ABTB3: variants seen among roughly 807,000 people sequenced by gnomAD.
ABTB3 encodes ankyrin repeat and BTB domain containing 3.
At chr12:107,608,939 AAATAAATAAAATAAAAT>A in the ABTB3 span, among the ~76,000 whole-genome samples, 1 of 90,106 alleles carries the variant, frequency 1.1e-5, no homozygotes, top group African/African-American at 5.5e-5. Flanking sequence ...AAATAAAATA[AAATAAATAAAATAAAAT>A]ATAAAATAAA....
At chr12:107,359,503 G>A in the ABTB3 span, among the ~76,000 whole-genome samples, 19 of 152,280 alleles carry the variant, frequency 1.2e-4, no homozygotes, top group South Asian at 2.1e-4. Context: ...AGCAGAAACC[G>A]GATAGCAGAG....
At chr12:107,482,266 GAAC>G in the ABTB3 span, among the ~76,000 whole-genome samples, 1 of 152,150 alleles carries the variant, frequency 6.6e-6, no homozygotes, top group Non-Finnish European at 1.5e-5. Flanking sequence ...GCCTAAGGCA[GAAC>G]AGCTACCTCC....
At chr12:107,556,174 A>G in the ABTB3 span, among the ~76,000 whole-genome samples, 1 of 150,522 alleles carries the variant, frequency 6.6e-6, no homozygotes, top group Non-Finnish European at 1.5e-5. Context: ...GGCTCACCGC[A>G]ACCTCCGCCT....
the ABTB3 span, among the ~76,000 whole-genome samples, chr12:107,606,109 G>A: frequency 6.6e-6 from 1 of 152,182 alleles, no homozygotes; most frequent in African/African-American, 2.4e-5. Context: ...AGAGGGCCAG[G>A]TCCCACTGAA....
At chr12:107,346,429 C>T in the ABTB3 span, among the ~76,000 whole-genome samples, 1 of 152,136 alleles carries the variant, frequency 6.6e-6, no homozygotes, top group African/African-American at 2.4e-5. Context: ...GAAATACCAT[C>T]ACATAACAGG....
chr12:107,378,726 G>T, the ABTB3 span, among the ~76,000 whole-genome samples: 1 of 152,116 alleles, frequency 6.6e-6, no homozygotes, highest in East Asian at 1.9e-4. Context: ...GACTGTTCAT[G>T]CCCAAACCTA....
chr12:107,550,477 C>T, the ABTB3 span, among the ~76,000 whole-genome samples: 4 of 145,612 alleles, frequency 2.7e-5, no homozygotes, highest in Non-Finnish European at 6.0e-5. Context: ...GTAACATCAT[C>T]GGTGGTTCTG....
chr12:107,537,359 A>G, the ABTB3 span, among the ~76,000 whole-genome samples: 1 of 152,154 alleles, frequency 6.6e-6, no homozygotes. Context: ...ATAAGTTCAG[A>G]AAGCTAGAAG....
the ABTB3 span, chr12:107,319,005 A>C: frequency 6.2e-7 from 1 of 1,613,532 alleles, no homozygotes; most frequent in Non-Finnish European, 8.5e-7. Flanking sequence ...GACTCGGGTT[A>C]TGGTGGCGCG....
At chr12:107,501,710 A>G in the ABTB3 span, among the ~76,000 whole-genome samples, 156 of 152,212 alleles carry the variant, frequency 1.0e-3, no homozygotes, top group African/African-American at 3.6e-3. Context: ...AAAAACAAAA[A>G]AAAGAAAGAC....
At chr12:107,433,493 G>A in the ABTB3 span, among the ~76,000 whole-genome samples, 80 of 152,072 alleles carry the variant, frequency 5.3e-4, no homozygotes, top group Non-Finnish European at 6.9e-4. Context: ...GTGGCCCTGG[G>A]AACAGAAGAA....
At chr12:107,429,510 C>T in the ABTB3 span, among the ~76,000 whole-genome samples, 145 of 152,312 alleles carry the variant, frequency 9.5e-4, no homozygotes, top group African/African-American at 3.4e-3. Flanking sequence ...AATGGTTCCT[C>T]CCACTATGGG....
the ABTB3 span, among the ~76,000 whole-genome samples, chr12:107,408,450 G>A: frequency 6.6e-6 from 1 of 152,232 alleles, no homozygotes; most frequent in Admixed American, 6.5e-5. Flanking sequence ...TGGGTGACAA[G>A]AGTGGGCTCA....
chr12:107,575,125 T>C, the ABTB3 span, among the ~76,000 whole-genome samples: 12 of 152,134 alleles, frequency 7.9e-5, no homozygotes, highest in Admixed American at 3.9e-4. Context: ...ACCACAAATA[T>C]CGAAATTCCT....
chr12:107,523,581 T>C, the ABTB3 span, among the ~76,000 whole-genome samples: 1 of 152,250 alleles, frequency 6.6e-6, no homozygotes. Context: ...TTTTTCTTTT[T>C]TAATTAGCAT....
chr12:107,508,708 A>G, the ABTB3 span, among the ~76,000 whole-genome samples: 20 of 152,140 alleles, frequency 1.3e-4, no homozygotes, highest in Non-Finnish European at 1.8e-4. Flanking sequence ...TCGGCCTCCC[A>G]AAGTGCTGGG....
chr12:107,551,529 T>C, the ABTB3 span, among the ~76,000 whole-genome samples: 1 of 152,220 alleles, frequency 6.6e-6, no homozygotes. Context: ...TGCTAAAGGT[T>C]AGCTAACAAC....
At chr12:107,398,269 TCCTGAAG>T in the ABTB3 span, among the ~76,000 whole-genome samples, 1 of 152,182 alleles carries the variant, frequency 6.6e-6, no homozygotes, top group African/African-American at 2.4e-5. Context: ...CACGTTTGTT[TCCTGAAG>T]CCTGGTGTTT....
the ABTB3 span, among the ~76,000 whole-genome samples, chr12:107,470,192 C>G: frequency 6.6e-6 from 1 of 151,604 alleles, no homozygotes; most frequent in Admixed American, 6.6e-5. Flanking sequence ...GCGTGCATGG[C>G]CATACTTGGC....
Sources: allele counts gnomAD v4.1 joint callset (sites outside exome capture counted in the v4.1 genomes callset), GRCh38; gene constraint gnomAD v4.1.1; transcripts MANE v1.5; gene names NCBI Gene and HGNC (gene_info 2026-07-23, HGNC 2026-07-21).